The following ALOX5 variants were observed in gnomAD, a reference collection of about 807,000 sequenced individuals.
ALOX5 encodes arachidonate 5-lipoxygenase.
A neutral mutation model predicts 87.9 loss-of-function variants in ALOX5; 64 were observed. That is an observed-to-expected ratio of 0.73 (90% CI 0.60 to 0.90). The LOEUF (loss-of-function observed/expected upper bound fraction) is 0.90, where lower values mean the gene tolerates loss of function less well. Among genes scored for constraint, ALOX5 ranks in the 40% least tolerant of loss-of-function variants. The pLI is 0.00. For synonymous variants in ALOX5, 388 were observed against 355.1 expected (o/e 1.09, Z -1.04); for missense variants, 822 against 907.5 (o/e 0.91, Z 1.21).
chr10:45,406,056 C>T (rs1840873878), intron 3 of ALOX5, among the ~76,000 whole-genome samples: 1 of 152,194 alleles, frequency 6.6e-6, no homozygotes, highest in Non-Finnish European at 1.5e-5. Flanking sequence ...CAGTCATGAG[C>T]TCTGGATTCG....
intron 4 of ALOX5, 23 bp downstream of exon 4, chr10:45,412,336 ACTCT>A (rs770523968): frequency 7.6e-5 from 123 of 1,613,060 alleles, no homozygotes; most frequent in Non-Finnish European, 9.9e-5. Flanking sequence ...GAACTGAGGG[ACTCT>A]GGGCAGCCCC....
intron 1 of ALOX5, among the ~76,000 whole-genome samples, chr10:45,376,264 G>A (rs548294422): frequency 1.4e-5 from 2 of 143,394 alleles, no homozygotes; most frequent in East Asian, 4.4e-4. Flanking sequence ...GAATCCCAGG[G>A]GCAAATTTCA....
chr10:45,398,110 G>C (rs1840574860), intron 3 of ALOX5, among the ~76,000 whole-genome samples: 1 of 152,220 alleles, frequency 6.6e-6, no homozygotes, highest in African/African-American at 2.4e-5. Context: ...CACAGCTATA[G>C]TATTCAAGAC....
At chr10:45,408,537 A>G (rs560108994) in intron 3 of ALOX5, among the ~76,000 whole-genome samples, 11 of 152,350 alleles carry the variant, frequency 7.2e-5, no homozygotes, top group African/African-American at 2.6e-4. Flanking sequence ...AGCAGGCTTC[A>G]GGTAGAATCA....
chr10:45,415,370 G>T (rs910064152), intron 4 of ALOX5, among the ~76,000 whole-genome samples: 3 of 152,140 alleles, frequency 2.0e-5, no homozygotes, highest in Non-Finnish European at 4.4e-5. Flanking sequence ...TCACTCATAG[G>T]TGGGAATTGA....
intron 1 of ALOX5, 110 bp from the exon 2 acceptor site, chr10:45,382,373 A>G (rs1372968535): frequency 1.3e-5 from 15 of 1,132,660 alleles, no homozygotes; most frequent in African/African-American, 9.2e-5. Flanking sequence ...TTTTCATTCA[A>G]CGTAGTCCCT....
chr10:45,405,092 T>G (rs1008251751), intron 3 of ALOX5, among the ~76,000 whole-genome samples: 1 of 152,254 alleles, frequency 6.6e-6, no homozygotes, highest in Non-Finnish European at 1.5e-5. Context: ...GTAGATGTGT[T>G]TGTTTGTTTT....
chr10:45,390,651 A>C (rs563457755), intron 2 of ALOX5, among the ~76,000 whole-genome samples: 13 of 152,332 alleles, frequency 8.5e-5, no homozygotes, highest in African/African-American at 3.1e-4. Flanking sequence ...AATGAGAACA[A>C]AGACACAACA....
chr10:45,415,263 G>A (rs903298670), intron 4 of ALOX5, among the ~76,000 whole-genome samples: 3 of 152,160 alleles, frequency 2.0e-5, no homozygotes, highest in Non-Finnish European at 4.4e-5. Context: ...CCATAAAAAA[G>A]GATGAGTTAA....
chr10:45,436,211 A>G (rs1242514224), intron 7 of ALOX5, among the ~76,000 whole-genome samples: 1 of 152,130 alleles, frequency 6.6e-6, no homozygotes, highest in African/African-American at 2.4e-5. Context: ...TTGTCTGTTT[A>G]CTTTGTTGAT....
chr10:45,419,652 G>A (rs1841432260), intron 4 of ALOX5, among the ~76,000 whole-genome samples: 1 of 152,262 alleles, frequency 6.6e-6, no homozygotes, highest in South Asian at 2.1e-4. Context: ...TTCCCGAGCG[G>A]GAGGATCGCT....
intron 4 of ALOX5, among the ~76,000 whole-genome samples, chr10:45,412,884 G>A (rs746422664): frequency 7.9e-5 from 12 of 152,180 alleles, no homozygotes; most frequent in Non-Finnish European, 8.8e-5. Context: ...CCGAATGTCC[G>A]CAGGGCTTTT....
chr10:45,438,889 C>T (rs1842137231), intron 7 of ALOX5, among the ~76,000 whole-genome samples: 1 of 152,234 alleles, frequency 6.6e-6, no homozygotes, highest in Non-Finnish European at 1.5e-5. Flanking sequence ...TCCTCCCTCC[C>T]CCCTCCTTGG....
intron 7 of ALOX5, among the ~76,000 whole-genome samples, chr10:45,428,974 CTG>C (rs1394382824): frequency 2.5e-4 from 38 of 152,240 alleles, no homozygotes; most frequent in Non-Finnish European, 5.1e-4. Context: ...TCGAGGCACA[CTG>C]TGGAGGACCT....
chr10:45,440,923 T>C (rs1298835631), intron 8 of ALOX5, among the ~76,000 whole-genome samples: 1 of 152,216 alleles, frequency 6.6e-6, no homozygotes, highest in African/African-American at 2.4e-5. Context: ...CTGATGCTGA[T>C]GGCCGCCCCT....
At chr10:45,409,624 T>C (rs1299671086) in intron 3 of ALOX5, among the ~76,000 whole-genome samples, 1 of 151,612 alleles carries the variant, frequency 6.6e-6, no homozygotes, top group Non-Finnish European at 1.5e-5. Flanking sequence ...TCTCTCTCTT[T>C]CTCTCTCTCT....
chr10:45,426,775 G>C (rs191288436), intron 6 of ALOX5, among the ~76,000 whole-genome samples: 1 of 152,132 alleles, frequency 6.6e-6, no homozygotes, highest in Non-Finnish European at 1.5e-5. Flanking sequence ...TCTCTCTCTC[G>C]CTCCATGTCT....
chr10:45,415,600 G>A (rs1389820730), intron 4 of ALOX5, among the ~76,000 whole-genome samples: 4 of 151,878 alleles, frequency 2.6e-5, no homozygotes, highest in Admixed American at 6.6e-5. Context: ...AGACATACAC[G>A]GAAAAAAGGA....
At chr10:45,413,435 A>C (rs567730175) in intron 4 of ALOX5, among the ~76,000 whole-genome samples, 1 of 152,216 alleles carries the variant, frequency 6.6e-6, no homozygotes, top group Non-Finnish European at 1.5e-5. Context: ...TATTGATGGG[A>C]TGTATCTCAA....
Sources: gnomAD v4.1 joint callset for allele counts (sites outside exome capture counted in the v4.1 genomes callset) on GRCh38, gnomAD v4.1.1 for gene constraint, MANE v1.5 for transcripts, NCBI Gene and HGNC (gene_info 2026-07-23, HGNC 2026-07-21) for gene names.